Variants in KCNQ1OT1 observed in about 807,000 individuals in gnomAD.
The protein encoded by KCNQ1OT1 is KCNQ1 opposite strand/antisense transcript 1, also known as KCNQ1 antisense RNA 2 (non-protein coding).
chr11:2,645,714 C>T lies in KCNQ1OT1; in HGVS notation n.54281G>A. On this transcript the variant is annotated non_coding_transcript_exon_variant, in exon 1 of 1. Transcript: ENST00000597346. This position sits in a 1 kb window ranked among gnomAD's most constrained non-coding sequence, Gnocchi z 5.8. ...TGGAGGGAGCAGTCAGGAGTGGCAA[C>T]CAGCTTTGTGTAAGGGATGTCCATG... 5.0e-6 allele frequency: 2 copies of T among 398,770 alleles called. No homozygotes were observed. Among genetic ancestry groups the T allele is most frequent in the East Asian group, 7.1e-5 (2 of 28,070 alleles). The allele number at this position is 398,770 out of a possible 1,614,324, so 24.7% of individuals were successfully genotyped here.
In KCNQ1OT1 at chr11:2,683,959, ACT is replaced by A. The variant is rs1850442021; in HGVS notation, n.16034_16035del. 1 of 392,014 alleles carries A rather than the reference ACT, an allele frequency of 2.6e-6. No homozygotes were observed. The highest frequency in any genetic ancestry group is 4.4e-6 in the Non-Finnish European group (1 of 224,942). The allele number at this position is 392,014 out of a possible 1,614,324, so 24.3% of individuals were successfully genotyped here. A position where few individuals can be genotyped will look rare whatever the true frequency, so the allele number is the denominator to read the frequency against. On this transcript the variant is annotated non_coding_transcript_exon_variant, in exon 1 of 1. Coordinates refer to ENST00000597346, the Ensembl canonical transcript of KCNQ1OT1. This position sits in a 1 kb window ranked among gnomAD's most constrained non-coding sequence, Gnocchi z 4.7. Reference sequence around the variant, plus strand: ...CAGACAAAACCAGCTGACTGCTTTTACTTTTTTTTTTTTTTCATTTAGAAGAA... The same window carrying A: ...CAGACAAAACCAGCTGACTGCTTTTATTTTTTTTTTTTTCATTTAGAAGAA...
At position 2,674,234 on chromosome 11, in the gene KCNQ1OT1, A is replaced by C; in HGVS notation, n.25761T>G. 1 of 398,618 alleles carries C rather than the reference A, an allele frequency of 2.5e-6. No individual in the cohort carries two copies. Among genetic ancestry groups the C allele is most frequent in the Non-Finnish European group, 4.4e-6 (1 of 226,144 alleles). 24.7% of individuals were successfully genotyped at this position (398,618 alleles called of 1,614,324 possible). A position where few individuals can be genotyped will look rare whatever the true frequency, so the allele number is the denominator to read the frequency against. On this transcript the variant is annotated non_coding_transcript_exon_variant, in exon 1 of 1. Coordinates refer to ENST00000597346, the Ensembl canonical transcript of KCNQ1OT1. The surrounding 1 kb of genome is among the most constrained non-coding windows in gnomAD (Gnocchi z 5.9). ...TTTTCTTGGGGCCCAGATAGATGTG[A>C]GCAGAGCTGGAGGCCCCTCTCTCCC...
At chr11:2,614,317 T>A (rs1849026015) in exon 1 of KCNQ1OT1, 1 of 398,500 alleles carries the variant, frequency 2.5e-6, no homozygotes, top group East Asian at 3.6e-5. Flanking sequence ...TGGTGATAAT[T>A]CTGTCTGTGC....
exon 1 of KCNQ1OT1, chr11:2,630,623 C>A: frequency 2.5e-6 from 1 of 398,232 alleles, no homozygotes; most frequent in Non-Finnish European, 4.4e-6. Flanking sequence ...TATATACTAC[C>A]ATTACACTAT....
At chr11:2,689,294 A>G (rs1369399329) in exon 1 of KCNQ1OT1, 8 of 398,314 alleles carry the variant, frequency 2.0e-5, no homozygotes, top group Non-Finnish European at 2.7e-5. Flanking sequence ...TCCCACTCCA[A>G]CCCTAAGACT....
At chr11:2,688,949 G>C (rs1487874704) in exon 1 of KCNQ1OT1, 1 of 398,858 alleles carries the variant, frequency 2.5e-6, no homozygotes, top group Non-Finnish European at 4.4e-6. Context: ...CACCCACTGG[G>C]CCTAGGGCTC....
In KCNQ1OT1 at chr11:2,647,536, C is replaced by T; in HGVS notation, n.52459G>A. ...TCACAGAATGAGTTAGGGAGAATTCCTTTCTCTTCAGTCTTTTGGAATTGT... is the reference window on the plus strand; with the variant it reads ...TCACAGAATGAGTTAGGGAGAATTCTTTTCTCTTCAGTCTTTTGGAATTGT... On this transcript the variant is annotated non_coding_transcript_exon_variant, in exon 1 of 1. Transcript: ENST00000597346. This position sits in a 1 kb window ranked among gnomAD's most constrained non-coding sequence, Gnocchi z 4.0. 2.5e-6 allele frequency: 1 copy of T among 398,508 alleles called. No individual in the cohort carries two copies. Among genetic ancestry groups the T allele is most frequent in the Non-Finnish European group, 4.4e-6 (1 of 226,038 alleles). The allele number at this position is 398,508 out of a possible 1,614,324, so 24.7% of individuals were successfully genotyped here. A position where few individuals can be genotyped will look rare whatever the true frequency, so the allele number is the denominator to read the frequency against.
At chr11:2,688,107 C>T (rs1187728827) in exon 1 of KCNQ1OT1, 2 of 398,870 alleles carry the variant, frequency 5.0e-6, no homozygotes, top group East Asian at 7.1e-5. Flanking sequence ...GGCAGGGGAC[C>T]TGGTGGGGGT....
chr11:2,644,585 T>C (rs1313925704), exon 1 of KCNQ1OT1: 4 of 398,488 alleles, frequency 1.0e-5, no homozygotes, highest in African/African-American at 8.2e-5. Flanking sequence ...TGGAGAATTA[T>C]TGCATTCCTT....
exon 1 of KCNQ1OT1, chr11:2,614,171 C>T (rs898365633): frequency 7.5e-6 from 3 of 398,418 alleles, no homozygotes; most frequent in African/African-American, 2.1e-5. Context: ...GAATCTACCC[C>T]CAAGAGGTGA....
exon 1 of KCNQ1OT1, chr11:2,684,865 T>A: frequency 2.5e-6 from 1 of 398,700 alleles, no homozygotes; most frequent in Admixed American, 4.4e-5. Context: ...GGGAGTCTGC[T>A]GAGACAAAAG....
rs1850036412 is a variant in KCNQ1OT1 at position 2,664,901 on chromosome 11, C to T, written n.35094G>A. ...ACATAAATAAAGACACATTTTGTTT[C>T]CATCTCGAGCTCTCCCCGCCCGCAG... On this transcript the variant is annotated non_coding_transcript_exon_variant, in exon 1 of 1. Coordinates refer to ENST00000597346, the Ensembl canonical transcript of KCNQ1OT1. The surrounding 1 kb of genome is among the most constrained non-coding windows in gnomAD (Gnocchi z 5.1). 5.0e-6 allele frequency: 2 copies of T among 398,556 alleles called. No individual in the cohort carries two copies. Among genetic ancestry groups the T allele is most frequent in the East Asian group, 3.6e-5 (1 of 28,098 alleles). The allele number at this position is 398,556 out of a possible 1,614,324, so 24.7% of individuals were successfully genotyped here.
Position 2,661,865 on chromosome 11 carries a change from C to G in KCNQ1OT1, n.38130G>C. On this transcript the variant is annotated non_coding_transcript_exon_variant, in exon 1 of 1. Coordinates refer to ENST00000597346, the Ensembl canonical transcript of KCNQ1OT1. The surrounding 1 kb of genome is among the most constrained non-coding windows in gnomAD (Gnocchi z 5.9). Reference sequence around the variant, plus strand: ...CTGGAGCTTCCAGGCACAAGCTCCACTCCTCACCTGGCCCTGGGAGCTCAC... The same window carrying G: ...CTGGAGCTTCCAGGCACAAGCTCCAGTCCTCACCTGGCCCTGGGAGCTCAC... The G allele has an allele frequency of 1.3e-6, 2 of 1,505,206 alleles. No individual in the cohort carries two copies. Among genetic ancestry groups the G allele is most frequent in the Non-Finnish European group, 1.8e-6 (2 of 1,083,504 alleles). 93.2% of individuals were successfully genotyped at this position (1,505,206 alleles called of 1,614,324 possible).
rs959159404 is a variant in KCNQ1OT1, at chr11:2,645,623, C to T, written n.54372G>A. The T allele has an allele frequency of 2.5e-6, 1 of 398,704 alleles. No individual in the cohort carries two copies. Among genetic ancestry groups the T allele is most frequent in the Non-Finnish European group, 4.4e-6 (1 of 226,146 alleles). The allele number at this position is 398,704 out of a possible 1,614,324, so 24.7% of individuals were successfully genotyped here. A position where few individuals can be genotyped will look rare whatever the true frequency, so the allele number is the denominator to read the frequency against. ...CCCAGGTGGTGACTATGGGCAGGGT[C>T]ACCTTTCCTCATGGCAGCCTTGCTT... On this transcript the variant is annotated non_coding_transcript_exon_variant, in exon 1 of 1. Coordinates refer to ENST00000597346, the Ensembl canonical transcript of KCNQ1OT1. This position sits in a 1 kb window ranked among gnomAD's most constrained non-coding sequence, Gnocchi z 5.8.
chr11:2,628,091 A>G, exon 1 of KCNQ1OT1: 2 of 398,612 alleles, frequency 5.0e-6, no homozygotes, highest in East Asian at 3.6e-5. Flanking sequence ...TAACACTACA[A>G]TGAACATGGG....
At position 2,654,655 on chromosome 11, in the gene KCNQ1OT1, G is replaced by C. The variant is rs1849811287; in HGVS notation, n.45340C>G. The C allele has an allele frequency of 2.5e-6, 1 of 398,834 alleles. No individual in the cohort carries two copies. Among genetic ancestry groups the C allele is most frequent in the African/African-American group, 2.1e-5 (1 of 48,644 alleles). The allele number at this position is 398,834 out of a possible 1,614,324, so 24.7% of individuals were successfully genotyped here. A position where few individuals can be genotyped will look rare whatever the true frequency, so the allele number is the denominator to read the frequency against. On this transcript the variant is annotated non_coding_transcript_exon_variant, in exon 1 of 1. Transcript: ENST00000597346. This position sits in a 1 kb window ranked among gnomAD's most constrained non-coding sequence, Gnocchi z 6.4. ...CACTGGCGAGAGTCTCTTGAGGGCAGAGGGCAGCAGAGATGGGCTGGAGCT... is the reference window on the plus strand; with the variant it reads ...CACTGGCGAGAGTCTCTTGAGGGCACAGGGCAGCAGAGATGGGCTGGAGCT...
chr11:2,661,636 A>C lies in KCNQ1OT1; in HGVS notation n.38359T>G, dbSNP rs1849958049. ...TCACCTCTGTTTTATTCTTGACCCA[A>C]GTGTCAGTTGTGAACATGGGAAGAG... On this transcript the variant is annotated non_coding_transcript_exon_variant, in exon 1 of 1. Transcript: ENST00000597346. This position sits in a 1 kb window ranked among gnomAD's most constrained non-coding sequence, Gnocchi z 5.9. 2 of 590,982 alleles carry C rather than the reference A, an allele frequency of 3.4e-6. No homozygotes were observed. Among genetic ancestry groups the C allele is most frequent in the Non-Finnish European group, 6.0e-6 (2 of 331,728 alleles). The allele number at this position is 590,982 out of a possible 1,614,324, so 36.6% of individuals were successfully genotyped here. A position where few individuals can be genotyped will look rare whatever the true frequency, so the allele number is the denominator to read the frequency against.
chr11:2,688,252 G>C (rs1233010885), exon 1 of KCNQ1OT1: 2 of 398,640 alleles, frequency 5.0e-6, no homozygotes, highest in Admixed American at 8.8e-5. Flanking sequence ...TGTTTGATCT[G>C]AGAGGGAGGC....
exon 1 of KCNQ1OT1, chr11:2,636,809 T>C (rs1849475211): frequency 6.6e-6 from 1 of 152,252 alleles, no homozygotes; most frequent in South Asian, 2.1e-4. Context: ...TGAATCCGTC[T>C]GGTCCTGGAC....
Sources: allele counts gnomAD v4.1 joint callset, GRCh38; gene constraint gnomAD v4.1.1; non-coding constraint Gnocchi (gnomAD v3.1); transcripts MANE v1.5; gene names NCBI Gene and HGNC (gene_info 2026-07-23, HGNC 2026-07-21).